The following ACER2 variants were observed in gnomAD, a reference collection of about 807,000 sequenced individuals.
ACER2 encodes the protein alkCDase 2.
Under a neutral mutation model 34.7 loss-of-function variants are expected in ACER2, and 26 were observed. That is an observed-to-expected ratio of 0.75 (90% CI 0.55 to 1.04). The LOEUF (loss-of-function observed/expected upper bound fraction) is 1.04. Among genes scored for constraint, ACER2 ranks in the 50% least tolerant of loss-of-function variants. ACER2 has a pLI of 0.00. For missense variants in ACER2, 352 were observed against 340.8 expected (o/e 1.03, Z -0.26); for synonymous variants, 138 against 132.1 (o/e 1.04, Z -0.31).
At chr9:19,450,417 C>T in intron 5 of ACER2, 33 bp from the exon 6 acceptor site, 1 of 1,551,324 alleles carries the variant, frequency 6.4e-7, no homozygotes, top group Non-Finnish European at 8.8e-7. Flanking sequence ...TCTTCATGCT[C>T]ATCAGGTTCT....
Position 19,418,088 on chromosome 9 carries a change from T to C in ACER2, c.109-5774T>C, listed in dbSNP as rs1316240084. Reference sequence around the variant, plus strand: ...AAGACATTTATGTGGCCTACAAACATATGAAAAAAGCTCATCATCACTGGT... The same window carrying C: ...AAGACATTTATGTGGCCTACAAACACATGAAAAAAGCTCATCATCACTGGT... On this transcript the variant is annotated intron_variant, in intron 1 of 5. Coordinates refer to ENST00000340967, the MANE Select transcript of ACER2 (RefSeq NM_001010887.3). Among the ~76,000 whole-genome samples, 5 of 152,092 alleles carry C rather than the reference T, an allele frequency of 3.3e-5. No individual in the cohort carries two copies. In the East Asian group the frequency reaches 9.6e-4, roughly 29 times the overall value.
intron 3 of ACER2, among the ~76,000 whole-genome samples, chr9:19,433,258 A>C (rs1273282990): frequency 1.3e-5 from 2 of 149,778 alleles, no homozygotes; most frequent in East Asian, 3.9e-4. Context: ...CAGATAAACA[A>C]GTGAACAAAG....
chr9:19,433,426 C>T (rs541751011), intron 3 of ACER2, among the ~76,000 whole-genome samples: 74 of 152,130 alleles, frequency 4.9e-4, no homozygotes, highest in Non-Finnish European at 5.6e-4. Flanking sequence ...ATCCATTTAA[C>T]TCTGAGTGGA....
chr9:19,409,162 C>T lies in ACER2; in HGVS notation c.78C>T (p.Ile26=), dbSNP rs142611269. The T allele has an allele frequency of 1.1e-5, 18 of 1,604,624 alleles. No individual in the cohort carries two copies. The highest frequency in any genetic ancestry group is 3.3e-4 in the Middle Eastern group (2 of 6,050). The change falls in exon 1 of 6, where the codon ATC becomes ATT. Residue 26 remains isoleucine, a synonymous_variant. Coordinates refer to ENST00000340967, the MANE Select transcript of ACER2 (RefSeq NM_001010887.3). ...ACTGGTGCGAGGACAACTACACCATCGTGCCTGCTATCGCCGAGTTCTACA... is the reference window on the plus strand; with the variant it reads ...ACTGGTGCGAGGACAACTACACCATTGTGCCTGCTATCGCCGAGTTCTACA... ...EVDWCEDNYT[I]VPAIAEFYNT... is the part of the protein sequence containing the mutation.
intron 3 of ACER2, among the ~76,000 whole-genome samples, chr9:19,434,742 C>A (rs140218173): frequency 6.6e-6 from 1 of 151,176 alleles, no homozygotes; most frequent in African/African-American, 2.4e-5. Flanking sequence ...AGCTTCGGCT[C>A]GGCATGAGAG....
chr9:19,428,656 C>T (rs935993817), intron 3 of ACER2, among the ~76,000 whole-genome samples: 3 of 151,374 alleles, frequency 2.0e-5, no homozygotes, highest in African/African-American at 7.3e-5. Flanking sequence ...ACAAAAGTAT[C>T]TTCCTGATGG....
rs754747650 is a variant in ACER2 at position 19,435,064 on chromosome 9, G to C, written c.483G>C (p.Leu161=). Residue 161 remains leucine, a synonymous_variant, in exon 4 of 6, where the codon CTG becomes CTC. Transcript: ENST00000340967. ...CCCTGGGAGTTCCTTGCACTGCACTGCTCATCGCAGAGCTAAAGAGGTAGG... is the reference window on the plus strand; with the variant it reads ...CCCTGGGAGTTCCTTGCACTGCACTCCTCATCGCAGAGCTAAAGAGGTAGG... The part of the protein sequence containing the change: ...LMTLGVPCTA[L]LIAELKRCDN... 1.2e-6 allele frequency: 2 copies of C among 1,614,124 alleles called. No individual in the cohort carries two copies. Among genetic ancestry groups the C allele is most frequent in the East Asian group, 2.2e-5 (1 of 44,876 alleles).
At chr9:19,433,383 C>G (rs1830824014) in intron 3 of ACER2, among the ~76,000 whole-genome samples, 1 of 151,934 alleles carries the variant, frequency 6.6e-6, no homozygotes. Flanking sequence ...CTTCAAGCAT[C>G]TGTTTAACAA....
At chr9:19,415,245 C>G (rs143908312) in intron 1 of ACER2, among the ~76,000 whole-genome samples, 33 of 152,256 alleles carry the variant, frequency 2.2e-4, no homozygotes, top group African/African-American at 7.0e-4. Flanking sequence ...AATCCCAGCA[C>G]TTTGGGAGGC....
At chr9:19,410,021 A>G (rs1830041475) in intron 1 of ACER2, 3 of 815,388 alleles carry the variant, frequency 3.7e-6, no homozygotes, top group Non-Finnish European at 1.5e-6. Flanking sequence ...TCCATGGCTC[A>G]GAATCCTGGT....
At chr9:19,416,784 C>A (rs1433863043) in intron 1 of ACER2, among the ~76,000 whole-genome samples, 2 of 152,002 alleles carry the variant, frequency 1.3e-5, no homozygotes, top group Non-Finnish European at 2.9e-5. Context: ...CCACCTGCCT[C>A]AGCCTCCCAA....
At chr9:19,441,992 C>T (rs1255157700) in intron 4 of ACER2, among the ~76,000 whole-genome samples, 1 of 152,150 alleles carries the variant, frequency 6.6e-6, no homozygotes, top group Non-Finnish European at 1.5e-5. Flanking sequence ...TTCTCTTTAG[C>T]CTTTATTCCT....
intron 3 of ACER2, among the ~76,000 whole-genome samples, chr9:19,431,211 G>A (rs1830744444): frequency 6.6e-6 from 1 of 152,138 alleles, no homozygotes. Flanking sequence ...TACATAATAT[G>A]TACTGGGCAC....
chr9:19,447,467 G>A (rs1247181574), intron 5 of ACER2, among the ~76,000 whole-genome samples: 1 of 152,296 alleles, frequency 6.6e-6, no homozygotes, highest in Non-Finnish European at 1.5e-5. Context: ...GCACAAGTTG[G>A]AGTTTACCGT....
At chr9:19,410,426 A>C (rs1563869094) in intron 1 of ACER2, among the ~76,000 whole-genome samples, 1 of 152,144 alleles carries the variant, frequency 6.6e-6, no homozygotes, top group Non-Finnish European at 1.5e-5. Flanking sequence ...AAGAAAACCT[A>C]AGGCTGGGCG....
intron 4 of ACER2, among the ~76,000 whole-genome samples, chr9:19,443,593 C>T (rs867872876): frequency 1.3e-4 from 20 of 152,258 alleles, no homozygotes; most frequent in Non-Finnish European, 2.9e-5. Flanking sequence ...AGTTGCCAGG[C>T]ATGGAGTATA....
At chr9:19,442,198 T>A (rs994038418) in intron 4 of ACER2, among the ~76,000 whole-genome samples, 2 of 152,206 alleles carry the variant, frequency 1.3e-5, no homozygotes, top group Admixed American at 6.5e-5. Flanking sequence ...ATACTTTTTC[T>A]GATTATAGGA....
intron 1 of ACER2, among the ~76,000 whole-genome samples, chr9:19,420,063 G>T (rs1009224318): frequency 6.6e-6 from 1 of 152,194 alleles, no homozygotes; most frequent in Non-Finnish European, 1.5e-5. Context: ...TATGCCTCAA[G>T]TTCTGGGGTT....
At chr9:19,427,004 T>C (rs1052008706) in intron 3 of ACER2, among the ~76,000 whole-genome samples, 1 of 152,278 alleles carries the variant, frequency 6.6e-6, no homozygotes, top group African/African-American at 2.4e-5. Flanking sequence ...ATAGCCACTC[T>C]GTCCTCCTTT....
Sources: allele counts gnomAD v4.1 joint callset (sites outside exome capture counted in the v4.1 genomes callset), GRCh38; gene constraint gnomAD v4.1.1; transcripts MANE v1.5; gene names NCBI Gene and HGNC (gene_info 2026-07-23, HGNC 2026-07-21).